Variants in NALF1 observed in about 807,000 individuals in gnomAD.
The protein encoded by NALF1 is NALCN channel auxiliary factor 1.
In NALF1, 3 loss-of-function variants were observed where a neutral mutation model predicts 48.4. That is an observed-to-expected ratio of 0.06 (90% CI 0.03 to 0.16). NALF1 has a LOEUF of 0.16. NALF1 is among the 10% of genes least tolerant of loss of function. The pLI is 1.00. For synonymous variants in NALF1, 262 were observed against 245.7 expected (o/e 1.07, Z -0.62); for missense variants, 526 against 571.5 (o/e 0.92, Z 0.81).
chr13:107,606,674 T>A (rs897447407), intron 1 of NALF1, among the ~76,000 whole-genome samples: 2 of 151,988 alleles, frequency 1.3e-5, no homozygotes, highest in African/African-American at 4.8e-5. Context: ...CACCTTAACA[T>A]CTCTTGAGAG....
chr13:107,240,222 CA>C (rs1271511065), intron 1 of NALF1, among the ~76,000 whole-genome samples: 3 of 152,186 alleles, frequency 2.0e-5, no homozygotes, highest in Admixed American at 1.3e-4. Context: ...TATGAGGACA[CA>C]GAGAGAAGAT....
chr13:107,794,684 A>G (rs1878360714), intron 1 of NALF1, among the ~76,000 whole-genome samples: 1 of 151,446 alleles, frequency 6.6e-6, no homozygotes, highest in Admixed American at 6.6e-5. Context: ...TCCTACCTAT[A>G]GGACATTAGG....
At chr13:107,236,184 T>C (rs892738643) in intron 1 of NALF1, among the ~76,000 whole-genome samples, 1 of 152,094 alleles carries the variant, frequency 6.6e-6, no homozygotes, top group Non-Finnish European at 1.5e-5. Context: ...GGTTGCTCTC[T>C]AGCTTGTGCT....
At chr13:107,406,074 G>A (rs1883893096) in intron 1 of NALF1, among the ~76,000 whole-genome samples, 2 of 151,994 alleles carry the variant, frequency 1.3e-5, no homozygotes, top group African/African-American at 2.4e-5. Context: ...CTTGTCTTCT[G>A]ACTGACAAGG....
intron 1 of NALF1, among the ~76,000 whole-genome samples, chr13:107,477,427 CT>C (rs1389506405): frequency 2.0e-5 from 3 of 152,096 alleles, no homozygotes; most frequent in Admixed American, 2.0e-4. Context: ...AAATCAGGAC[CT>C]TGGGCCAATC....
intron 1 of NALF1, among the ~76,000 whole-genome samples, chr13:107,779,405 G>A (rs572093781): frequency 9.4e-4 from 143 of 152,276 alleles, no homozygotes; most frequent in African/African-American, 3.2e-3. Flanking sequence ...ATCCAGTTCA[G>A]ATCCTATACA....
intron 1 of NALF1, among the ~76,000 whole-genome samples, chr13:107,642,250 C>T (rs112791658): frequency 1.3e-5 from 2 of 152,294 alleles, no homozygotes; most frequent in African/African-American, 2.4e-5. Context: ...AAAGTGAAGG[C>T]AGAGTTTCAC....
At position 107,169,411 on chromosome 13, in the gene NALF1, C is replaced by T. The variant is rs1018380683; in HGVS notation, c.*1086G>A. 3 of 75,000 alleles carry T rather than the reference C, an allele frequency of 4.0e-5. No individual in the cohort carries two copies. Among genetic ancestry groups the T allele is most frequent in the African/African-American group, 7.0e-5 (1 of 14,222 alleles). The allele number at this position is 75,000 out of a possible 1,614,324, so 4.6% of individuals were successfully genotyped here. A position where few individuals can be genotyped will look rare whatever the true frequency, so the allele number is the denominator to read the frequency against. On this transcript the variant is annotated 3_prime_UTR_variant, in exon 3 of 3. Coordinates refer to ENST00000375915, the MANE Select transcript of NALF1 (RefSeq NM_001080396.3). Reference sequence around the variant, plus strand: ...AGGAAAAGAAGTCCAGATATGTGTCCGCAATCCCTTTGTTTGTTCCCTGTA... The same window carrying T: ...AGGAAAAGAAGTCCAGATATGTGTCTGCAATCCCTTTGTTTGTTCCCTGTA...
chr13:107,226,475 A>C (rs911895491), intron 1 of NALF1, among the ~76,000 whole-genome samples: 1 of 152,212 alleles, frequency 6.6e-6, no homozygotes, highest in Non-Finnish European at 1.5e-5. Context: ...ACATGGTATA[A>C]ATGCAAAAGT....
chr13:107,651,763 T>A (rs1272354764), intron 1 of NALF1, among the ~76,000 whole-genome samples: 1 of 152,140 alleles, frequency 6.6e-6, no homozygotes, highest in Non-Finnish European at 1.5e-5. Context: ...CAAAACTGTT[T>A]GCAATATACA....
chr13:107,538,110 G>T (rs9520481), intron 1 of NALF1, among the ~76,000 whole-genome samples: 24,256 of 152,034 alleles, frequency 0.16, 2,061 homozygotes, highest in South Asian at 0.32. Context: ...TGTCTGATTT[G>T]TGAAGATTTT....
At chr13:107,372,038 G>A (rs899979086) in intron 1 of NALF1, among the ~76,000 whole-genome samples, 10 of 152,142 alleles carry the variant, frequency 6.6e-5, no homozygotes, top group Admixed American at 5.2e-4. Flanking sequence ...GCTGAATAGG[G>A]CACTGTTTTG....
chr13:107,341,917 A>C (rs1010951636), intron 1 of NALF1, among the ~76,000 whole-genome samples: 3 of 150,006 alleles, frequency 2.0e-5, no homozygotes, highest in African/African-American at 7.4e-5. Context: ...ACACTGATGC[A>C]TATATACAGT....
At chr13:107,507,923 A>T (rs1320978162) in intron 1 of NALF1, among the ~76,000 whole-genome samples, 2 of 152,128 alleles carry the variant, frequency 1.3e-5, no homozygotes, top group Non-Finnish European at 2.9e-5. Flanking sequence ...ACCCTGTGTC[A>T]TCATCTCCCA....
chr13:107,401,254 A>G (rs886501995), intron 1 of NALF1, among the ~76,000 whole-genome samples: 3 of 152,110 alleles, frequency 2.0e-5, no homozygotes, highest in East Asian at 3.9e-4. Context: ...GTCACTTAGT[A>G]GCTGTCTCAG....
intron 1 of NALF1, among the ~76,000 whole-genome samples, chr13:107,790,680 A>C (rs1229038032): frequency 6.6e-6 from 1 of 152,208 alleles, no homozygotes; most frequent in Non-Finnish European, 1.5e-5. Flanking sequence ...CGAATAAAAG[A>C]AGCAGCTGTT....
At position 107,867,091 on chromosome 13, in the gene NALF1, C is replaced by T. The variant is rs539576972; in HGVS notation, c.-495G>A. On this transcript the variant is annotated 5_prime_UTR_variant, in exon 1 of 3. Coordinates refer to ENST00000375915, the MANE Select transcript of NALF1 (RefSeq NM_001080396.3). The surrounding 1 kb of genome is among the most constrained non-coding windows in gnomAD (Gnocchi z 4.4). Reference sequence around the variant, plus strand: ...CCCCTGCCAGGGGCATGCCGCGCCTCCGCTGCCCACTGACGGCGCCCGGAG... The same window carrying T: ...CCCCTGCCAGGGGCATGCCGCGCCTTCGCTGCCCACTGACGGCGCCCGGAG... Among the ~76,000 whole-genome samples the T allele has an allele frequency of 1.8e-4, 28 of 151,860 alleles. No individual in the cohort carries two copies. The highest frequency in any genetic ancestry group is 6.8e-4 in the African/African-American group (28 of 41,466).
intron 1 of NALF1, among the ~76,000 whole-genome samples, chr13:107,852,793 A>T (rs9520606): frequency 0.37 from 56,480 of 152,140 alleles, 13,109 homozygotes; most frequent in Non-Finnish European, 0.52. Context: ...GCATCAAAAA[A>T]ACACAATAGA....
At chr13:107,759,337 T>C (rs1594248258) in intron 1 of NALF1, among the ~76,000 whole-genome samples, 1 of 152,102 alleles carries the variant, frequency 6.6e-6, no homozygotes, top group African/African-American at 2.4e-5. Flanking sequence ...GCCTCCCGAG[T>C]AGCTAGGACT....
Sources: allele counts gnomAD v4.1 joint callset (sites outside exome capture counted in the v4.1 genomes callset), GRCh38; gene constraint gnomAD v4.1.1; non-coding constraint Gnocchi (gnomAD v3.1); transcripts MANE v1.5; gene names NCBI Gene and HGNC (gene_info 2026-07-23, HGNC 2026-07-21).